The following MARK1 variants were observed in gnomAD, a reference collection of about 807,000 sequenced individuals.
The protein encoded by MARK1 is microtubule affinity regulating kinase 1.
A neutral mutation model predicts 96.3 loss-of-function variants in MARK1; 40 were observed. The ratio of observed to expected loss-of-function variants is 0.42; its 90% CI spans 0.32 to 0.54. The LOEUF (loss-of-function observed/expected upper bound fraction) is 0.54, where lower values mean the gene tolerates loss of function less well. MARK1 is among the 20% of genes least tolerant of loss of function. The pLI, the probability that MARK1 is intolerant of heterozygous loss-of-function variation, is 0.16. For synonymous variants in MARK1, 317 were observed against 341.2 expected (o/e 0.93, Z 0.78); for missense variants, 719 against 984.6 (o/e 0.73, Z 3.61).
intron 13 of MARK1, among the ~76,000 whole-genome samples, chr1:220,645,644 A>G (rs1205151721): frequency 6.6e-6 from 1 of 152,206 alleles, no homozygotes; most frequent in African/African-American, 2.4e-5. Flanking sequence ...ACATCGATGC[A>G]AAAATCCTCA....
At chr1:220,621,242 A>T (rs953342615) in intron 9 of MARK1, among the ~76,000 whole-genome samples, 1 of 152,074 alleles carries the variant, frequency 6.6e-6, no homozygotes, top group Non-Finnish European at 1.5e-5. Context: ...TTATTTAACT[A>T]TTCCCTGCTT....
At chr1:220,550,114 T>C (rs1042858461) in intron 1 of MARK1, among the ~76,000 whole-genome samples, 9 of 152,206 alleles carry the variant, frequency 5.9e-5, no homozygotes, top group Non-Finnish European at 1.3e-4. Context: ...CTTGAAATGA[T>C]TACAGCTTTA....
chr1:220,647,665 T>G (rs1049267769), intron 13 of MARK1, among the ~76,000 whole-genome samples: 2 of 152,116 alleles, frequency 1.3e-5, no homozygotes, highest in African/African-American at 4.8e-5. Context: ...AATGATAGAC[T>G]GGGTAAAGAA....
intron 9 of MARK1, chr1:220,626,886 G>A (rs987183221): frequency 4.1e-5 from 20 of 484,116 alleles, no homozygotes; most frequent in African/African-American, 3.2e-4. Flanking sequence ...GCTTTAACCT[G>A]CCTATGCTGA....
chr1:220,613,891 G>C (rs1004632833), intron 6 of MARK1, among the ~76,000 whole-genome samples: 3 of 152,064 alleles, frequency 2.0e-5, no homozygotes, highest in Non-Finnish European at 2.9e-5. Context: ...CAACCTATTT[G>C]TCAAGATTTG....
At chr1:220,626,057 A>T (rs1294657278) in intron 9 of MARK1, 1 of 577,978 alleles carries the variant, frequency 1.7e-6, no homozygotes, top group Admixed American at 2.0e-5. Flanking sequence ...GGCCTGTTTG[A>T]ATTCTTACAG....
intron 9 of MARK1, chr1:220,625,745 G>T (rs1043055681): frequency 2.3e-6 from 1 of 441,380 alleles, no homozygotes; most frequent in African/African-American, 2.0e-5. Context: ...GCAAGATGAC[G>T]CAGACACAGG....
intron 1 of MARK1, among the ~76,000 whole-genome samples, chr1:220,537,091 G>GT (rs578156384): frequency 2.0e-3 from 282 of 140,622 alleles, no homozygotes; most frequent in Admixed American, 1.9e-3. Context: ...CTATCACCTA[G>GT]TTTTTTTTTT....
rs1010474102 is a variant in MARK1, at chr1:220,654,590, C to A, written c.1988+1238C>A. On this transcript the variant is annotated intron_variant, in intron 16 of 17. Coordinates refer to ENST00000366917, the MANE Select transcript of MARK1 (RefSeq NM_018650.5). The surrounding 1 kb of genome is among the most constrained non-coding windows in gnomAD (Gnocchi z 4.0). Reference sequence around the variant, plus strand: ...CTTGCTAGAGAAAGAACTAAAAGTTCACCAACAGAGTCAGCATGGAAGTTA... The same window carrying A: ...CTTGCTAGAGAAAGAACTAAAAGTTAACCAACAGAGTCAGCATGGAAGTTA... 2.6e-5 allele frequency among the ~76,000 whole-genome samples: 4 copies of A among 152,182 alleles called. No individual in the cohort carries two copies. The highest frequency in any genetic ancestry group is 9.7e-5 in the African/African-American group (4 of 41,436).
At chr1:220,557,303 G>T (rs748731771) in intron 1 of MARK1, among the ~76,000 whole-genome samples, 2 of 152,114 alleles carry the variant, frequency 1.3e-5, no homozygotes, top group Non-Finnish European at 2.9e-5. Flanking sequence ...AGCTGGGTGC[G>T]GTGGCTCACG....
chr1:220,615,778 C>T (rs999510605), intron 6 of MARK1, among the ~76,000 whole-genome samples, 161 bp from the exon 7 acceptor site: 1 of 152,080 alleles, frequency 6.6e-6, no homozygotes, highest in Admixed American at 6.6e-5. Flanking sequence ...GTGAAAGTTT[C>T]ATCACTTTAA....
In MARK1 at chr1:220,635,902, A is replaced by G. The variant is rs754291552; in HGVS notation, c.1346A>G (p.Gln449Arg). 8.1e-6 allele frequency: 13 copies of G among 1,614,126 alleles called. No homozygotes were observed. Among genetic ancestry groups the G allele is most frequent in the Admixed American group, 1.7e-5 (1 of 59,990 alleles). Reference protein sequence around the residue: ...RPQANSVESEQKEEWDKDVAR... With the variant: ...RPQANSVESERKEEWDKDVAR... Reference sequence around the variant, plus strand: ...CAGGCTAACAGTGTGGAAAGTGAACAGAAAGAGGAGTGGGACAAAGATGTG... The same window carrying G: ...CAGGCTAACAGTGTGGAAAGTGAACGGAAAGAGGAGTGGGACAAAGATGTG... Residue 449 changes from glutamine to arginine, a missense_variant, in exon 13 of 18, where the codon CAG becomes CGG. Physicochemically the swap from Gln to Arg is conservative, Grantham distance 43. Around this residue, in one of 4 missense-constraint regions of MARK1, gnomAD observed 501 missense variants for 588.3 expected, o/e 0.85. Transcript: ENST00000366917.
intron 1 of MARK1, among the ~76,000 whole-genome samples, chr1:220,546,981 A>C (rs1407712251): frequency 6.6e-6 from 1 of 151,896 alleles, no homozygotes; most frequent in Non-Finnish European, 1.5e-5. Context: ...CCAAAAAAAA[A>C]AAAAAAGAAA....
intron 13 of MARK1, among the ~76,000 whole-genome samples, chr1:220,637,290 AG>A (rs1668019686): frequency 6.6e-6 from 1 of 152,254 alleles, no homozygotes; most frequent in Non-Finnish European, 1.5e-5. Flanking sequence ...AACTCTGAAT[AG>A]TATCCAGGGC....
intron 10 of MARK1, 36 bp downstream of exon 10, chr1:220,631,170 A>G (rs1215233146): frequency 6.9e-7 from 1 of 1,448,016 alleles, no homozygotes; most frequent in Non-Finnish European, 9.7e-7. Context: ...TGCTGTCCCT[A>G]GGCAACAAGT....
intron 13 of MARK1, among the ~76,000 whole-genome samples, chr1:220,645,900 A>T (rs1004784516): frequency 5.3e-5 from 8 of 152,196 alleles, no homozygotes; most frequent in Admixed American, 2.0e-4. Flanking sequence ...ACATATTCTG[A>T]GTTCCTTAAA....
intron 1 of MARK1, among the ~76,000 whole-genome samples, chr1:220,567,951 G>A (rs1349479235): frequency 6.6e-6 from 1 of 151,888 alleles, no homozygotes; most frequent in Non-Finnish European, 1.5e-5. Context: ...TTTTACTTCA[G>A]TTGTTTTATA....
chr1:220,651,888 G>C (rs1484473418), intron 14 of MARK1, 98 bp from the exon 15 acceptor site: 9 of 876,324 alleles, frequency 1.0e-5, no homozygotes, highest in Non-Finnish European at 1.5e-5. Context: ...AAAGGTGTTA[G>C]TCAGTTTAGA....
intron 4 of MARK1, among the ~76,000 whole-genome samples, chr1:220,599,210 G>T (rs1665579957): frequency 6.6e-6 from 1 of 152,046 alleles, no homozygotes; most frequent in African/African-American, 2.4e-5. Context: ...ATTATTATAT[G>T]AAATCATTTG....
Sources: allele counts gnomAD v4.1 joint callset (sites outside exome capture counted in the v4.1 genomes callset), GRCh38; gene constraint gnomAD v4.1.1; regional missense constraint gnomAD v4.1.1; non-coding constraint Gnocchi (gnomAD v3.1); transcripts MANE v1.5; gene names NCBI Gene and HGNC (gene_info 2026-07-23, HGNC 2026-07-21).